The following OPHN1 variants were observed in gnomAD, a reference collection of about 807,000 sequenced individuals.
OPHN1 encodes the protein oligophrenin 1.
OPHN1 carries 11 observed loss-of-function variants against 60.7 expected under a neutral mutation model. That is an observed-to-expected ratio of 0.18 (90% CI 0.11 to 0.30). The LOEUF (loss-of-function observed/expected upper bound fraction) is 0.30, where lower values mean the gene tolerates loss of function less well. Among genes scored for constraint, OPHN1 ranks in the 10% least tolerant of loss-of-function variants. OPHN1 has a pLI of 1.00. For missense variants in OPHN1, 449 were observed against 611.0 expected (o/e 0.73, Z 2.80); for synonymous variants, 226 against 222.6 (o/e 1.02, Z -0.14).
chrX:68,258,706 A>T (rs1047072639), intron 5 of OPHN1, among the ~76,000 whole-genome samples: 2 of 110,328 alleles, frequency 1.8e-5, no homozygotes, highest in Non-Finnish European at 1.9e-5. Context: ...CTGTGTGGGT[A>T]CATTCCCAGA....
chrX:68,114,399 T>C (rs1377604804), intron 16 of OPHN1, among the ~76,000 whole-genome samples: 1 of 110,722 alleles, frequency 9.0e-6, no homozygotes, highest in East Asian at 2.8e-4. Context: ...GAGTCCATGC[T>C]CTTAATTACT....
At chrX:68,288,410 T>C (rs138609663) in intron 3 of OPHN1, among the ~76,000 whole-genome samples, 63 of 111,441 alleles carry the variant, frequency 5.7e-4, no homozygotes, top group African/African-American at 2.0e-3. Context: ...TGGTGTTTTC[T>C]TCTCCAAATA....
chrX:68,107,928 A>T (rs2077088520), intron 18 of OPHN1, among the ~76,000 whole-genome samples: 1 of 111,492 alleles, frequency 9.0e-6, no homozygotes, highest in Non-Finnish European at 1.9e-5. Context: ...ATTCCTCAAT[A>T]CTCTTGCCCA....
At chrX:68,049,259 C>A (rs2076842721) in intron 23 of OPHN1, among the ~76,000 whole-genome samples, 1 of 111,957 alleles carries the variant, frequency 8.9e-6, no homozygotes, top group Admixed American at 9.5e-5. Flanking sequence ...CTATCTCTAC[C>A]TAAGTCTCAA....
At chrX:68,376,944 T>C (rs770790392) in intron 2 of OPHN1, among the ~76,000 whole-genome samples, 1 of 106,983 alleles carries the variant, frequency 9.3e-6, no homozygotes, top group South Asian at 4.3e-4. Context: ...TTTTTTTTTT[T>C]TTTGAGATGG....
chrX:68,339,258 TCTC>T (rs1349845057), intron 2 of OPHN1, among the ~76,000 whole-genome samples: 1 of 108,271 alleles, frequency 9.2e-6, no homozygotes, highest in Non-Finnish European at 1.9e-5. Context: ...CAGAAGGAAA[TCTC>T]CTCCACCTCA....
In OPHN1 at chrX:68,247,667, T is replaced by C. The variant is rs1372131183; in HGVS notation, c.385-13079A>G. The stretch of plus-strand genomic sequence containing the variant: ...AGCGCAGTGGCTCATGCCTGTAATA[T>C]CAGCACTTTGGGAGGCCAAGGCGGG... On this transcript the variant is annotated intron_variant, in intron 5 of 24. Coordinates refer to ENST00000355520, the MANE Select transcript of OPHN1 (RefSeq NM_002547.3). Among the ~76,000 whole-genome samples the C allele has an allele frequency of 5.5e-5, 6 of 108,382 alleles. No individual in the cohort carries two copies. In the East Asian group the frequency reaches 1.4e-3, roughly 26 times the overall value. 94.1% of individuals were successfully genotyped at this position (108,382 alleles called of 115,157 possible).
intron 5 of OPHN1, among the ~76,000 whole-genome samples, chrX:68,239,092 G>GGA (rs955162839): frequency 1.8e-5 from 2 of 111,101 alleles, no homozygotes; most frequent in Non-Finnish European, 3.8e-5. Context: ...GAAGGAGGAT[G>GGA]GAGTGGGAAG....
chrX:68,076,597 A>T (rs2076954764), intron 19 of OPHN1, among the ~76,000 whole-genome samples: 1 of 111,981 alleles, frequency 8.9e-6, no homozygotes, highest in African/African-American at 3.2e-5. Flanking sequence ...ACAGTTACTT[A>T]AGAAAAATGT....
At chrX:68,147,088 C>T (rs967509861) in intron 15 of OPHN1, among the ~76,000 whole-genome samples, 1 of 111,854 alleles carries the variant, frequency 8.9e-6, no homozygotes, top group Non-Finnish European at 1.9e-5. Flanking sequence ...AAGACCCCTT[C>T]ACCCTCCAAG....
chrX:68,310,139 C>A (rs187237604), intron 2 of OPHN1, among the ~76,000 whole-genome samples: 17 of 111,396 alleles, frequency 1.5e-4, no homozygotes, highest in African/African-American at 5.5e-4. Context: ...ATTGACTTTA[C>A]AGAGCATAAC....
rs149843373 is a variant in OPHN1, at chrX:68,421,229, G to C, written c.154+11638C>G. ...TTTCATTGTTATCCAATCCCTGGCT[G>C]AGTTGTTACCCAATTAGCACACTGG... On this transcript the variant is annotated intron_variant, in intron 2 of 24. Coordinates refer to ENST00000355520, the MANE Select transcript of OPHN1 (RefSeq NM_002547.3). Among the ~76,000 whole-genome samples, 993 of 111,479 alleles carry C rather than the reference G, an allele frequency of 8.9e-3. 7 individuals carry two copies. The highest frequency in any genetic ancestry group is 0.031 in the African/African-American group (962 of 30,703).
intron 15 of OPHN1, among the ~76,000 whole-genome samples, chrX:68,129,491 A>G (rs772239153): frequency 8.9e-6 from 1 of 112,144 alleles, no homozygotes; most frequent in African/African-American, 3.2e-5. Flanking sequence ...GGTTTGTGGA[A>G]TTACTGTCTA....
intron 15 of OPHN1, among the ~76,000 whole-genome samples, chrX:68,173,605 A>C (rs185004271): frequency 9.0e-6 from 1 of 111,379 alleles, no homozygotes; most frequent in African/African-American, 3.3e-5. Context: ...ATCCCTTGGA[A>C]CCTGTTGGGG....
chrX:68,171,465 G>A (rs2147421606), intron 15 of OPHN1, among the ~76,000 whole-genome samples: 1 of 111,885 alleles, frequency 8.9e-6, no homozygotes, highest in Non-Finnish European at 1.9e-5. Context: ...GCTGGGCCCG[G>A]TGGCTAACGC....
At chrX:68,357,661 A>G (rs2147713199) in intron 2 of OPHN1, among the ~76,000 whole-genome samples, 1 of 110,820 alleles carries the variant, frequency 9.0e-6, no homozygotes, top group African/African-American at 3.3e-5. Context: ...ATTGTTGGAC[A>G]TGTGGGTTGG....
At chrX:68,320,488 G>A (rs2078230319) in intron 2 of OPHN1, among the ~76,000 whole-genome samples, 1 of 111,546 alleles carries the variant, frequency 9.0e-6, no homozygotes, top group Non-Finnish European at 1.9e-5. Context: ...TGTTGCAAAT[G>A]TAAAATTGTG....
At chrX:68,317,174 C>A (rs2078203331) in intron 2 of OPHN1, among the ~76,000 whole-genome samples, 1 of 106,329 alleles carries the variant, frequency 9.4e-6, no homozygotes, top group African/African-American at 3.4e-5. Flanking sequence ...GTAATGCATG[C>A]CTGTAATCCC....
rs2077757244 is a variant in OPHN1 at position 68,237,212 on chromosome X, T to A, written c.385-2624A>T. On this transcript the variant is annotated intron_variant, in intron 5 of 24. Coordinates refer to ENST00000355520, the MANE Select transcript of OPHN1 (RefSeq NM_002547.3). ...GTTGACCAGGCTGGTCTCGAACTCCTGACCTCAGGTAATCCACCCACCTCA... is the reference window on the plus strand; with the variant it reads ...GTTGACCAGGCTGGTCTCGAACTCCAGACCTCAGGTAATCCACCCACCTCA... 5.3e-5 allele frequency among the ~76,000 whole-genome samples: 6 copies of A among 112,708 alleles called. No homozygotes were observed. The Admixed American group carries it at 5.6e-4, about 11-fold the overall frequency.
Sources: allele counts gnomAD v4.1 joint callset (sites outside exome capture counted in the v4.1 genomes callset), GRCh38; gene constraint gnomAD v4.1.1; transcripts MANE v1.5; gene names NCBI Gene and HGNC (gene_info 2026-07-23, HGNC 2026-07-21).